NFATC1: variants seen among roughly 807,000 people sequenced by gnomAD.
The protein encoded by NFATC1 is nuclear factor of activated T cells 1.
Under a neutral mutation model 76.0 loss-of-function variants are expected in NFATC1, and 22 were observed. The ratio of observed to expected loss-of-function variants is 0.29; its 90% CI spans 0.21 to 0.41. The LOEUF is 0.41. Among genes scored for constraint, NFATC1 ranks in the 10% least tolerant of loss-of-function variants. The pLI is 1.00. For synonymous variants in NFATC1, 704 were observed against 613.1 expected (o/e 1.15, Z -2.19); for missense variants, 1,357 against 1,337.7 (o/e 1.01, Z -0.23).
chr18:79,443,823 C>T (rs1221102794), intron 3 of NFATC1, among the ~76,000 whole-genome samples: 6 of 152,350 alleles, frequency 3.9e-5, no homozygotes, highest in East Asian at 1.9e-4. Context: ...ACCCCAGCCC[C>T]GAGGTGCTGG....
chr18:79,482,765 T>G (rs2089334437), intron 8 of NFATC1, among the ~76,000 whole-genome samples: 3 of 133,236 alleles, frequency 2.3e-5, no homozygotes, highest in African/African-American at 8.5e-5. Flanking sequence ...ACCTCGTTCC[T>G]GGGGTGTAAT....
At position 79,526,161 on chromosome 18, in the gene NFATC1, G is replaced by A. The variant is rs527947783; in HGVS notation, c.2783-1367G>A. ...TGCCTCTGGTGAGGAGCTGCCGTGC[G>A]CACTCTGGGACAAGTCAGGTCCTGC... On this transcript the variant is annotated intron_variant, in intron 9 of 9. Coordinates refer to ENST00000427363, the MANE Select transcript of NFATC1 (RefSeq NM_001278669.2). 6.6e-5 allele frequency among the ~76,000 whole-genome samples: 10 copies of A among 152,342 alleles called. 1 individual carries two copies. The highest frequency in any genetic ancestry group is 2.2e-4 in the African/African-American group (9 of 41,566).
At chr18:79,441,996 G>A (rs1168118357) in intron 3 of NFATC1, among the ~76,000 whole-genome samples, 4 of 152,310 alleles carry the variant, frequency 2.6e-5, no homozygotes, top group East Asian at 1.9e-4. Context: ...CACCCTCCAC[G>A]TCAGTGCCCT....
At chr18:79,399,402 C>T (rs2085106755) in intron 1 of NFATC1, among the ~76,000 whole-genome samples, 1 of 152,348 alleles carries the variant, frequency 6.6e-6, no homozygotes, top group Non-Finnish European at 1.5e-5. Context: ...CCAGCCTTGA[C>T]ACGCGCACCC....
intron 3 of NFATC1, among the ~76,000 whole-genome samples, chr18:79,438,881 A>G (rs2086873748): frequency 6.6e-6 from 1 of 152,214 alleles, no homozygotes; most frequent in Non-Finnish European, 1.5e-5. Context: ...TTGTAGGTCA[A>G]CTTTGCCTCC....
At chr18:79,423,280 C>T (rs1380408686) in intron 2 of NFATC1, among the ~76,000 whole-genome samples, 8 of 152,210 alleles carry the variant, frequency 5.3e-5, no homozygotes, top group East Asian at 1.9e-4. Flanking sequence ...CCAGATCCCG[C>T]GCGCTCCCGG....
At chr18:79,478,074 C>A (rs1380527953) in intron 8 of NFATC1, among the ~76,000 whole-genome samples, 2 of 137,222 alleles carry the variant, frequency 1.5e-5, no homozygotes, top group Non-Finnish European at 3.2e-5. Flanking sequence ...CTGCCCCCTG[C>A]CCCCCTGCCT....
chr18:79,420,995 T>A (rs1242634684), intron 2 of NFATC1: 1 of 152,392 alleles, frequency 6.6e-6, no homozygotes, highest in Non-Finnish European at 1.5e-5. Context: ...ATGTTTGCTT[T>A]GCCCCGCGTG....
At chr18:79,499,476 G>A (rs1292535872) in intron 9 of NFATC1, among the ~76,000 whole-genome samples, 1 of 152,170 alleles carries the variant, frequency 6.6e-6, no homozygotes, top group Non-Finnish European at 1.5e-5. Flanking sequence ...AGTTACACAA[G>A]ACATGTAGAG....
At chr18:79,467,849 TAAC>T (rs1182508375) in intron 8 of NFATC1, 2 of 1,175,986 alleles carry the variant, frequency 1.7e-6, no homozygotes, top group East Asian at 1.1e-4. Flanking sequence ...TGCGAATGTA[TAAC>T]AGCCAAGGGG....
chr18:79,435,358 T>TC (rs1008365574), intron 3 of NFATC1, among the ~76,000 whole-genome samples: 8 of 150,860 alleles, frequency 5.3e-5, no homozygotes, highest in African/African-American at 1.9e-4. Flanking sequence ...GTTTGTTTTT[T>TC]TTTTTTTTTT....
At chr18:79,523,812 A>C (rs1008861993) in intron 9 of NFATC1, 7 of 152,270 alleles carry the variant, frequency 4.6e-5, no homozygotes, top group African/African-American at 1.7e-4. Flanking sequence ...ATATAAGGGA[A>C]AAAAAAGCCC....
At chr18:79,497,574 G>C (rs2089921052) in intron 9 of NFATC1, 1 of 152,148 alleles carries the variant, frequency 6.6e-6, no homozygotes, top group Admixed American at 6.5e-5. Flanking sequence ...ATCGACATTG[G>C]AGCAAACAAG....
chr18:79,522,032 T>C (rs2090609800), intron 9 of NFATC1, among the ~76,000 whole-genome samples: 1 of 86,094 alleles, frequency 1.2e-5, no homozygotes, highest in African/African-American at 5.0e-5. Flanking sequence ...TCTGCTGATG[T>C]GTGTGTTTTG....
Position 79,451,560 on chromosome 18 carries a change from C to T in NFATC1, c.1763-116C>T, listed in dbSNP as rs1042784655. The T allele has an allele frequency of 2.9e-5, 34 of 1,192,078 alleles. No individual in the cohort carries two copies. The Admixed American group carries it at 3.4e-4, about 12-fold the overall frequency. The allele number at this position is 1,192,078 out of a possible 1,614,324, so 73.8% of individuals were successfully genotyped here. The stretch of plus-strand genomic sequence containing the variant: ...CATCCGCAGGGGTCGGCCCGCAGGT[C>T]GTGGCGGTGCTTGCTCTGGGTGGGT... On this transcript the variant is annotated intron_variant, in intron 5 of 9. Transcript: ENST00000427363.
intron 8 of NFATC1, among the ~76,000 whole-genome samples, chr18:79,485,797 C>T (rs981730980): frequency 1.1e-4 from 17 of 152,364 alleles, no homozygotes; most frequent in African/African-American, 3.1e-4. Flanking sequence ...CTGGAGCAGT[C>T]GTTCACCTTT....
intron 2 of NFATC1, among the ~76,000 whole-genome samples, chr18:79,420,062 G>A (rs544898399): frequency 1.1e-4 from 16 of 152,340 alleles, no homozygotes; most frequent in Admixed American, 2.0e-4. Context: ...ACCGGACGCC[G>A]TGTGCACCTC....
chr18:79,486,158 G>T, intron 8 of NFATC1, 90 bp from the exon 9 acceptor site: 1 of 1,186,712 alleles, frequency 8.4e-7, no homozygotes, highest in African/African-American at 1.5e-5. Flanking sequence ...GGGCCCTGTT[G>T]GTTTTGCGGA....
At chr18:79,446,484 A>C (rs2087211941) in intron 3 of NFATC1, among the ~76,000 whole-genome samples, 1 of 152,208 alleles carries the variant, frequency 6.6e-6, no homozygotes, top group Admixed American at 6.5e-5. Context: ...AAAATGGAAT[A>C]CTGCGTGGCA....
Sources: allele counts gnomAD v4.1 joint callset (sites outside exome capture counted in the v4.1 genomes callset), GRCh38; gene constraint gnomAD v4.1.1; transcripts MANE v1.5; gene names NCBI Gene and HGNC (gene_info 2026-07-23, HGNC 2026-07-21).